EIF3A: variants seen among roughly 807,000 people sequenced by gnomAD.
EIF3A encodes eukaryotic translation initiation factor 3 subunit A.
A neutral mutation model predicts 186.6 loss-of-function variants in EIF3A; 21 were observed. That is an observed-to-expected ratio of 0.11 (90% CI 0.08 to 0.16). EIF3A has a LOEUF of 0.16. Among genes scored for constraint, EIF3A ranks in the 10% least tolerant of loss-of-function variants. EIF3A has a pLI of 1.00. For missense variants in EIF3A, 1,306 were observed against 1,796.3 expected (o/e 0.73, Z 4.93); for synonymous variants, 563 against 584.3 (o/e 0.96, Z 0.52).
intron 17 of EIF3A, among the ~76,000 whole-genome samples, chr10:119,046,211 C>A (rs2119818151): frequency 6.6e-6 from 1 of 152,234 alleles, no homozygotes; most frequent in African/African-American, 2.4e-5. Context: ...AGGAATGAAA[C>A]AGTATCTACA....
In EIF3A at chr10:119,076,315, A is replaced by G. The variant is rs560136995; in HGVS notation, c.50-2378T>C. Among the ~76,000 whole-genome samples the G allele has an allele frequency of 7.6e-3, 394 of 51,624 alleles. 8 individuals carry two copies. The highest frequency in any genetic ancestry group is 0.061 in the Admixed American group (241 of 3,948). The allele number at this position is 51,624 out of a possible 152,430, so 33.9% of individuals were successfully genotyped here. On this transcript the variant is annotated intron_variant, in intron 1 of 21. Coordinates refer to ENST00000369144, the MANE Select transcript of EIF3A (RefSeq NM_003750.4). ...GCCACTGTACTCCAGCCTGGGCAAC[A>G]AGTCTCCAAAAAAAAAAAAAAAAAG...
intron 1 of EIF3A, among the ~76,000 whole-genome samples, chr10:119,079,071 GAA>G (rs1351189239): frequency 6.6e-6 from 1 of 152,060 alleles, no homozygotes; most frequent in Non-Finnish European, 1.5e-5. Context: ...TCGAAACGAC[GAA>G]AAGTCATAAA....
intron 17 of EIF3A, among the ~76,000 whole-genome samples, chr10:119,049,343 C>A (rs1437374747): frequency 6.6e-6 from 1 of 151,884 alleles, no homozygotes. Flanking sequence ...CAAAAATCAG[C>A]CAGGCATGGT....
At chr10:119,080,248 T>C (rs898032926) in intron 1 of EIF3A, 2 of 927,578 alleles carry the variant, frequency 2.2e-6, no homozygotes, top group East Asian at 1.2e-4. Context: ...CACTCCCAGA[T>C]GGCGGCCGGG....
In EIF3A at chr10:119,080,800, C is replaced by T. The variant is rs1844254157; in HGVS notation, c.-124G>A. On this transcript the variant is annotated 5_prime_UTR_variant, in exon 1 of 22. Transcript: ENST00000369144. Reference sequence around the variant, plus strand: ...TCGCCAGCAGTCGCCCGCGCCCAGCCGGCCAGAGACGGAAAGGAAGGAGCC... The same window carrying T: ...TCGCCAGCAGTCGCCCGCGCCCAGCTGGCCAGAGACGGAAAGGAAGGAGCC... 3 of 1,424,332 alleles carry T rather than the reference C, an allele frequency of 2.1e-6. No homozygotes were observed. Among genetic ancestry groups the T allele is most frequent in the African/African-American group, 1.5e-5 (1 of 66,626 alleles). The allele number at this position is 1,424,332 out of a possible 1,614,324, so 88.2% of individuals were successfully genotyped here. A position where few individuals can be genotyped will look rare whatever the true frequency, so the allele number is the denominator to read the frequency against.
At chr10:119,053,714 T>C (rs1207284654) in intron 14 of EIF3A, among the ~76,000 whole-genome samples, 1 of 152,134 alleles carries the variant, frequency 6.6e-6, no homozygotes, top group Non-Finnish European at 1.5e-5. Flanking sequence ...AGTGAGACCC[T>C]GTCTCTCAAA....
Position 119,035,988 on chromosome 10 carries a change from A to C in EIF3A, c.*51T>G, listed in dbSNP as rs747759660. ...TGAAGCACAAGTATAATAATCCTTG[A>C]ATGTGATCAAACCTATTTAAGACAC... On this transcript the variant is annotated 3_prime_UTR_variant, in exon 22 of 22. Coordinates refer to ENST00000369144, the MANE Select transcript of EIF3A (RefSeq NM_003750.4). 4 of 1,355,322 alleles carry C rather than the reference A, an allele frequency of 3.0e-6. No homozygotes were observed. The allele number at this position is 1,355,322 out of a possible 1,614,324, so 84.0% of individuals were successfully genotyped here. A position where few individuals can be genotyped will look rare whatever the true frequency, so the allele number is the denominator to read the frequency against.
chr10:119,064,710 T>G (rs981183425), intron 7 of EIF3A, among the ~76,000 whole-genome samples: 6 of 152,106 alleles, frequency 3.9e-5, no homozygotes, highest in Non-Finnish European at 7.4e-5. Context: ...GGTACTTCTT[T>G]TTTGTTTGTT....
intron 12 of EIF3A, 67 bp from the exon 13 acceptor site, chr10:119,057,107 G>A (rs2119819227): frequency 3.5e-6 from 3 of 865,876 alleles, no homozygotes; most frequent in Admixed American, 4.9e-5. Context: ...ATAACTCACT[G>A]CTTTCTAGAA....
At chr10:119,059,159 CGT>C in intron 11 of EIF3A, 51 bp downstream of exon 11, 1 of 1,417,394 alleles carries the variant, frequency 7.1e-7, no homozygotes, top group Non-Finnish European at 9.9e-7. Context: ...CATGGCATGG[CGT>C]TAAGAGTCCC....
At chr10:119,078,510 T>C (rs1016678018) in intron 1 of EIF3A, among the ~76,000 whole-genome samples, 2 of 152,118 alleles carry the variant, frequency 1.3e-5, no homozygotes, top group African/African-American at 2.4e-5. Context: ...GGGAATGCCC[T>C]TTGATCCTTC....
At chr10:119,039,015 AG>A (rs1848172745) in intron 19 of EIF3A, among the ~76,000 whole-genome samples, 1 of 152,228 alleles carries the variant, frequency 6.6e-6, no homozygotes, top group Non-Finnish European at 1.5e-5. Flanking sequence ...TGAAAATTTT[AG>A]AATTTTTCCT....
chr10:119,059,157 G>A (rs1321680589), intron 11 of EIF3A, 55 bp downstream of exon 11: 24 of 1,387,336 alleles, frequency 1.7e-5, no homozygotes, highest in Non-Finnish European at 2.4e-5. Context: ...GACATGGCAT[G>A]GCGTTAAGAG....
intron 6 of EIF3A, among the ~76,000 whole-genome samples, chr10:119,066,627 A>G (rs1453302376): frequency 6.6e-6 from 1 of 151,862 alleles, no homozygotes; most frequent in East Asian, 1.9e-4. Flanking sequence ...AGGGGGAGAC[A>G]AGAACCAGGA....
chr10:119,036,676 T>A (rs778518532), intron 21 of EIF3A, among the ~76,000 whole-genome samples: 1 of 151,924 alleles, frequency 6.6e-6, no homozygotes, highest in Admixed American at 6.6e-5. Flanking sequence ...GAGAGAAAAA[T>A]TCTCTCATAA....
intron 7 of EIF3A, among the ~76,000 whole-genome samples, chr10:119,063,928 C>CA (rs370463725): frequency 1.8e-4 from 28 of 152,118 alleles, no homozygotes; most frequent in Middle Eastern, 3.2e-3. Context: ...ACTAAAACTA[C>CA]AAAAAACCAC....
intron 18 of EIF3A, among the ~76,000 whole-genome samples, chr10:119,043,396 G>A (rs538466437): frequency 4.6e-5 from 7 of 152,146 alleles, no homozygotes; most frequent in South Asian, 2.1e-4. Flanking sequence ...CCGAGAACGC[G>A]CCACTGCACT....
At chr10:119,079,475 G>A (rs139071925) in intron 1 of EIF3A, among the ~76,000 whole-genome samples, 160 of 152,122 alleles carry the variant, frequency 1.1e-3, no homozygotes, top group Non-Finnish European at 1.8e-3. Context: ...AACTCACAAG[G>A]TATATTCATC....
intron 1 of EIF3A, 66 bp from the exon 2 acceptor site, chr10:119,074,003 TAA>T: frequency 7.5e-7 from 1 of 1,327,626 alleles, no homozygotes. Flanking sequence ...TTTACCTTTT[TAA>T]ACAGCTATTT....
Sources: gnomAD v4.1 joint callset for allele counts (sites outside exome capture counted in the v4.1 genomes callset) on GRCh38, gnomAD v4.1.1 for gene constraint, MANE v1.5 for transcripts, NCBI Gene and HGNC (gene_info 2026-07-23, HGNC 2026-07-21) for gene names.